Variants in THADA observed in about 807,000 individuals in gnomAD.
THADA encodes the protein THADA armadillo repeat containing, also known as tRNA (32-2'-O)-methyltransferase regulator THADA.
A neutral mutation model predicts 219.8 loss-of-function variants in THADA; 213 were observed. The ratio of observed to expected loss-of-function variants is 0.97; its 90% CI spans 0.87 to 1.09. THADA has a LOEUF of 1.09. Among genes scored for constraint, THADA ranks in the 50% least tolerant of loss-of-function variants. THADA has a pLI of 0.00. For synonymous variants in THADA, 1,018 were observed against 828.9 expected (o/e 1.23, Z -3.92); for missense variants, 2,956 against 2,311.3 (o/e 1.28, Z -5.72).
chr2:43,505,174 G>A (rs1689503568), intron 24 of THADA, among the ~76,000 whole-genome samples: 1 of 152,118 alleles, frequency 6.6e-6, no homozygotes, highest in South Asian at 2.1e-4. Context: ...ATTCTAAAGT[G>A]CTAGCATATG....
At chr2:43,564,205 T>G (rs372593652) in intron 15 of THADA, 1 of 152,248 alleles carries the variant, frequency 6.6e-6, no homozygotes, top group African/African-American at 2.4e-5. Flanking sequence ...TGAAATTCTA[T>G]GAACTGATGG....
At chr2:43,461,386 G>A (rs896408478) in intron 26 of THADA, among the ~76,000 whole-genome samples, 27 of 152,242 alleles carry the variant, frequency 1.8e-4, no homozygotes, top group Admixed American at 1.4e-3. Context: ...ACCATTGAAA[G>A]GTCCATTTTA....
intron 29 of THADA, among the ~76,000 whole-genome samples, chr2:43,373,967 A>G (rs1671088819): frequency 6.6e-6 from 1 of 152,216 alleles, no homozygotes; most frequent in East Asian, 1.9e-4. Flanking sequence ...TTATGAAATT[A>G]TACTTTAACA....
chr2:43,460,452 C>T (rs148101693), intron 26 of THADA, among the ~76,000 whole-genome samples: 1 of 151,982 alleles, frequency 6.6e-6, no homozygotes, highest in African/African-American at 2.4e-5. Context: ...TCTCCACTAC[C>T]AAGTTGAAAA....
chr2:43,385,551 G>T (rs941145493), intron 29 of THADA, among the ~76,000 whole-genome samples: 3 of 146,244 alleles, frequency 2.1e-5, no homozygotes, highest in African/African-American at 7.6e-5. Flanking sequence ...AGCTTGCCGT[G>T]AGCGGAGATC....
intron 35 of THADA, 107 bp from the exon 36 acceptor site, chr2:43,280,003 G>C (rs1673156600): frequency 9.0e-7 from 1 of 1,117,220 alleles, no homozygotes. Context: ...ATGAGTTACA[G>C]CTATCTCTTT....
At chr2:43,363,338 T>C (rs1296199565) in intron 29 of THADA, among the ~76,000 whole-genome samples, 1 of 152,208 alleles carries the variant, frequency 6.6e-6, no homozygotes, top group African/African-American at 2.4e-5. Flanking sequence ...ATAAAAATTT[T>C]TTAGCCCCAT....
intron 30 of THADA, among the ~76,000 whole-genome samples, chr2:43,327,197 A>T (rs1379569039): frequency 6.6e-6 from 1 of 152,200 alleles, no homozygotes. Flanking sequence ...AAAATCAAAC[A>T]GGTGCAGCTG....
In THADA at chr2:43,551,905, T is replaced by C. The variant is rs1482247411; in HGVS notation, c.2831A>G (p.Glu944Gly). 1.2e-6 allele frequency: 2 copies of C among 1,613,452 alleles called. No homozygotes were observed. The highest frequency in any genetic ancestry group is 1.7e-6 in the Non-Finnish European group (2 of 1,179,718). The part of the protein sequence containing the change: ...LSLNSLQLVS[E>G]WRPVVEKLLL... The stretch of plus-strand genomic sequence containing the variant: ...GAGCTTCTCTACCACAGGTCTCCAC[T>C]CGCTCACCAACTGCAGGCTGCTGCA... Residue 944 changes from glutamate to glycine, a missense_variant, in exon 19 of 38, where the codon GAG (glutamate) becomes GGG (glycine). By Grantham distance (98) the Glu-to-Gly change is moderately conservative. Transcript: ENST00000405975.
In THADA at chr2:43,485,218, C is replaced by T; in HGVS notation, c.3836+16G>A. 1 of 1,590,912 alleles carries T rather than the reference C, an allele frequency of 6.3e-7. No individual in the cohort carries two copies. The highest frequency in any genetic ancestry group is 8.6e-7 in the Non-Finnish European group (1 of 1,164,152). The stretch of plus-strand genomic sequence containing the variant: ...ATTTTTTAAAAAAAGTAAAGTTAGC[C>T]TTAAATGGAGCTTACCTATTTGTTT... On this transcript the variant is annotated intron_variant, in intron 26 of 37. Coordinates refer to ENST00000405975, the MANE Select transcript of THADA (RefSeq NM_022065.5).
At position 43,325,196 on chromosome 2, in the gene THADA, G is replaced by A. The variant is rs144307167; in HGVS notation, c.4344-4656C>T. On this transcript the variant is annotated intron_variant, in intron 30 of 37. Transcript: ENST00000405975. ...GCAGAGGGCAGGGCTTCCCAGACAC[G>A]TCCACAAAAGCCCCAGTGTCTAGAG... 7.7e-4 allele frequency among the ~76,000 whole-genome samples: 117 copies of A among 152,148 alleles called. 1 individual carries two copies. The highest frequency in any genetic ancestry group is 2.6e-3 in the African/African-American group (106 of 41,492).
intron 22 of THADA, among the ~76,000 whole-genome samples, chr2:43,514,158 G>T (rs1448362424): frequency 6.6e-6 from 1 of 151,694 alleles, no homozygotes; most frequent in Non-Finnish European, 1.5e-5. Context: ...AGAAATAAAA[G>T]TGTACTTTCA....
chr2:43,549,873 T>C (rs1028801690), intron 19 of THADA, among the ~76,000 whole-genome samples: 7 of 152,076 alleles, frequency 4.6e-5, no homozygotes, highest in East Asian at 3.8e-4. Flanking sequence ...AGTTTAAAGA[T>C]AGAAAGGTAA....
At chr2:43,327,827 T>A (rs540765571) in intron 30 of THADA, among the ~76,000 whole-genome samples, 2 of 152,264 alleles carry the variant, frequency 1.3e-5, no homozygotes, top group East Asian at 3.9e-4. Context: ...TTTCTAATGA[T>A]CCAGACAACT....
intron 26 of THADA, among the ~76,000 whole-genome samples, chr2:43,445,877 T>C (rs1485140607): frequency 1.3e-5 from 2 of 152,182 alleles, no homozygotes; most frequent in African/African-American, 2.4e-5. Flanking sequence ...CTTTCAGAAG[T>C]TGCTTTCAAG....
At chr2:43,236,759 T>C (rs1668069778) in intron 36 of THADA, among the ~76,000 whole-genome samples, 2 of 152,086 alleles carry the variant, frequency 1.3e-5, no homozygotes, top group African/African-American at 2.4e-5. Context: ...ACTACAAAGC[T>C]ATAGGAATAA....
intron 9 of THADA, 104 bp from the exon 10 acceptor site, chr2:43,577,346 A>G (rs2104056025): frequency 2.3e-6 from 2 of 883,834 alleles, no homozygotes; most frequent in South Asian, 3.6e-5. Context: ...AAATCCTAGG[A>G]AAAATGACTA....
intron 22 of THADA, among the ~76,000 whole-genome samples, chr2:43,525,232 C>A (rs1015573015): frequency 1.3e-5 from 2 of 152,182 alleles, no homozygotes; most frequent in African/African-American, 4.8e-5. Flanking sequence ...CATGAACTCC[C>A]TAGTAACCTC....
intron 29 of THADA, among the ~76,000 whole-genome samples, chr2:43,380,834 C>T (rs1374935480): frequency 6.6e-6 from 1 of 152,120 alleles, no homozygotes; most frequent in Non-Finnish European, 1.5e-5. Flanking sequence ...TGCGGTGGCT[C>T]ACGCCTGTAA....
Sources: gnomAD v4.1 joint callset for allele counts (sites outside exome capture counted in the v4.1 genomes callset) on GRCh38, gnomAD v4.1.1 for gene constraint, MANE v1.5 for transcripts, NCBI Gene and HGNC (gene_info 2026-07-23, HGNC 2026-07-21) for gene names.